The following RSPH14 variants were observed in gnomAD, a reference collection of about 807,000 sequenced individuals.
RSPH14 encodes the protein radial spoke head 14 homolog.
A neutral mutation model predicts 26.7 loss-of-function variants in RSPH14; 20 were observed. That is an observed-to-expected ratio of 0.75 (90% CI 0.53 to 1.09). RSPH14 has a LOEUF of 1.09. RSPH14 is among the 50% of genes least tolerant of loss of function. The pLI, the probability that RSPH14 is intolerant of heterozygous loss-of-function variation, is 0.00. For synonymous variants in RSPH14, 177 were observed against 189.3 expected (o/e 0.93, Z 0.53); for missense variants, 449 against 457.2 (o/e 0.98, Z 0.16).
chr22:23,118,793 CAGT>C (rs1267865714), intron 4 of RSPH14, among the ~76,000 whole-genome samples: 2 of 152,252 alleles, frequency 1.3e-5, no homozygotes, highest in Non-Finnish European at 2.9e-5. Context: ...AGCTCTACCC[CAGT>C]GGCCCACAGG....
At position 23,130,103 on chromosome 22, in the gene RSPH14, G is replaced by GAA. The variant is rs796813406; in HGVS notation, c.421+3921_421+3922dup. On this transcript the variant is annotated intron_variant, in intron 4 of 6. Transcript: ENST00000216036. Reference sequence around the variant, plus strand: ...AGAAAGGAAGAAAGAAAGAAAGAAAGAAAGAAAGAAAGAAAGAAAGAAAGA... The same window carrying GAA: ...AGAAAGGAAGAAAGAAAGAAAGAAAGAAAAAGAAAGAAAGAAAGAAAGAAAGA... Among the ~76,000 whole-genome samples, 11 of 76,566 alleles carry GAA rather than the reference G, an allele frequency of 1.4e-4. No homozygotes were observed. The East Asian group carries it at 1.6e-3, about 11-fold the overall frequency. 50.2% of individuals were successfully genotyped at this position (76,566 alleles called of 152,430 possible).
the RSPH14 span, chr22:23,156,165 G>A: frequency 6.8e-5 from 35 of 517,742 alleles, no homozygotes; most frequent in African/African-American, 6.6e-4. Flanking sequence ...GAAAACACCA[G>A]GCCACTGCTT....
the RSPH14 span, among the ~76,000 whole-genome samples, chr22:23,166,723 T>C: frequency 6.6e-6 from 1 of 152,082 alleles, no homozygotes; most frequent in Non-Finnish European, 1.5e-5. Context: ...ACGATGTTGT[T>C]AACTGGTGCT....
the RSPH14 span, chr22:23,162,675 C>T: frequency 0.51 from 233,142 of 455,884 alleles, 60,282 homozygotes; most frequent in East Asian, 0.64. Context: ...AGCCCCAGGC[C>T]CCTGTCACCT....
chr22:23,102,003 C>T lies in RSPH14; in HGVS notation c.421+32023G>A, dbSNP rs117186677. Among the ~76,000 whole-genome samples the T allele has an allele frequency of 4.2e-3, 640 of 152,340 alleles. 1 individual carries two copies. The highest frequency in any genetic ancestry group is 7.0e-3 in the South Asian group (34 of 4,828). ...CTGTTATCCTACCCGAGCACTGGAGCGATGGGGCCAGCCTCAAGAGGGCTG... is the reference window on the plus strand; with the variant it reads ...CTGTTATCCTACCCGAGCACTGGAGTGATGGGGCCAGCCTCAAGAGGGCTG... On this transcript the variant is annotated intron_variant, in intron 4 of 6. Transcript: ENST00000216036.
chr22:23,081,253 T>A (rs1161868016), intron 4 of RSPH14, among the ~76,000 whole-genome samples: 8 of 152,186 alleles, frequency 5.3e-5, no homozygotes, highest in Non-Finnish European at 7.3e-5. Context: ...AAACGAGATG[T>A]CACGCAAGGT....
At chr22:23,082,319 C>T (rs1252265872) in intron 4 of RSPH14, among the ~76,000 whole-genome samples, 2 of 151,248 alleles carry the variant, frequency 1.3e-5, no homozygotes, top group African/African-American at 4.9e-5. Flanking sequence ...CAGGTTCAAG[C>T]TCCTGTCTCA....
chr22:23,061,849 G>C lies in RSPH14; in HGVS notation c.750C>G (p.Asn250Lys). ...TGGCGAACATCAGGGCACCGGCAGCGTTAGACTTCACATGCTCCACTGGGT... is the reference window on the plus strand; with the variant it reads ...TGGCGAACATCAGGGCACCGGCAGCCTTAGACTTCACATGCTCCACTGGGT... ...LKDPVEHVKS[N>K]AAGALMFATV... Residue 250 changes from asparagine (N) to lysine (K), a missense_variant, in exon 6 of 7, where the codon AAC becomes AAG. Asn to Lys is a moderately conservative substitution (Grantham distance 94). Transcript: ENST00000216036. The C allele has an allele frequency of 6.2e-7, 1 of 1,614,156 alleles. No homozygotes were observed. Among genetic ancestry groups the C allele is most frequent in the African/African-American group, 1.3e-5 (1 of 75,036 alleles).
rs775673673 is a variant in RSPH14, at chr22:23,061,970, G to A, written c.654-25C>T. 14 of 1,613,180 alleles carry A rather than the reference G, an allele frequency of 8.7e-6. No homozygotes were observed. The East Asian group carries it at 2.9e-4, about 33-fold the overall frequency. ...GCTGGGGCAGAGAGGGAACAGAGAGGGGCTCTGCTTGGAAGGGAGAAGAGG... is the reference window on the plus strand; with the variant it reads ...GCTGGGGCAGAGAGGGAACAGAGAGAGGCTCTGCTTGGAAGGGAGAAGAGG... On this transcript the variant is annotated intron_variant, in intron 5 of 6. Transcript: ENST00000216036.
intron 4 of RSPH14, among the ~76,000 whole-genome samples, chr22:23,102,822 A>G (rs562030353): frequency 1.3e-5 from 2 of 152,286 alleles, no homozygotes; most frequent in East Asian, 3.9e-4. Flanking sequence ...TTCCACCATG[A>G]TGACGTTGTC....
chr22:23,143,987 G>A (rs888452871), upstream of RSPH14, among the ~76,000 whole-genome samples: 4 of 151,512 alleles, frequency 2.6e-5, no homozygotes, highest in South Asian at 2.1e-4. Flanking sequence ...CCAGCTACTC[G>A]GGAGGCTGAG....
chr22:23,108,246 G>T (rs575886635), intron 4 of RSPH14, among the ~76,000 whole-genome samples: 1 of 152,264 alleles, frequency 6.6e-6, no homozygotes, highest in East Asian at 1.9e-4. Flanking sequence ...GCTGGGCAGA[G>T]CAGGGGAGAG....
chr22:23,175,115 GCCT>G, the RSPH14 span, among the ~76,000 whole-genome samples: 127 of 150,670 alleles, frequency 8.4e-4, 2 homozygotes, highest in Non-Finnish European at 1.2e-4. Flanking sequence ...TCCTGCCTCA[GCCT>G]CCGAGTAGCT....
At chr22:23,153,956 T>C in the RSPH14 span, among the ~76,000 whole-genome samples, 2 of 152,142 alleles carry the variant, frequency 1.3e-5, no homozygotes, top group Non-Finnish European at 2.9e-5. Context: ...CCCAAAGTGC[T>C]GGGATTACAG....
At chr22:23,080,870 G>C (rs371073796) in intron 4 of RSPH14, among the ~76,000 whole-genome samples, 56 of 152,180 alleles carry the variant, frequency 3.7e-4, no homozygotes, top group African/African-American at 1.3e-3. Context: ...TGGATTAATG[G>C]GTGCTCTCCC....
At chr22:23,154,923 C>T in the RSPH14 span, among the ~76,000 whole-genome samples, 1 of 152,098 alleles carries the variant, frequency 6.6e-6, no homozygotes, top group African/African-American at 2.4e-5. Flanking sequence ...GTCAGGAGTT[C>T]GAGACCAGCC....
At chr22:23,091,419 C>T (rs370427424) in intron 4 of RSPH14, among the ~76,000 whole-genome samples, 40 of 151,816 alleles carry the variant, frequency 2.6e-4, no homozygotes, top group East Asian at 9.7e-4. Context: ...TACATGCACA[C>T]GCACCACAAT....
intron 4 of RSPH14, among the ~76,000 whole-genome samples, chr22:23,099,243 GCAGCACCTCAGAGC>G (rs1281679206): frequency 6.6e-6 from 1 of 152,280 alleles, no homozygotes; most frequent in Non-Finnish European, 1.5e-5. Flanking sequence ...TGAGTGCAGG[GCAGCACCTCAGAGC>G]AGGGAAGGCA....
intron 4 of RSPH14, among the ~76,000 whole-genome samples, chr22:23,102,249 G>A (rs1340339628): frequency 2.0e-5 from 3 of 152,238 alleles, no homozygotes; most frequent in Non-Finnish European, 2.9e-5. Context: ...CTCGCCTAGG[G>A]TCCCAGGCTT....
Sources: allele counts gnomAD v4.1 joint callset (sites outside exome capture counted in the v4.1 genomes callset), GRCh38; gene constraint gnomAD v4.1.1; transcripts MANE v1.5; gene names NCBI Gene and HGNC (gene_info 2026-07-23, HGNC 2026-07-21).